The following IL16 variants were observed in gnomAD, a reference collection of about 807,000 sequenced individuals.
The protein encoded by IL16 is interleukin 16.
IL16 carries 67 observed loss-of-function variants against 110.1 expected under a neutral mutation model. The observed-to-expected ratio is 0.61, with a 90% CI of 0.50 to 0.75. IL16 has a LOEUF of 0.75. IL16 is among the 30% of genes least tolerant of loss of function. The probability of loss-of-function intolerance (pLI) is 0.00; values close to 1 mark genes in which losing one functional copy is unlikely to be tolerated. For synonymous variants in IL16, 689 were observed against 662.9 expected (o/e 1.04, Z -0.61); for missense variants, 1,545 against 1,655.0 (o/e 0.93, Z 1.15).
chr15:81,278,259 G>A (rs1261558702), intron 6 of IL16, among the ~76,000 whole-genome samples: 2 of 152,040 alleles, frequency 1.3e-5, no homozygotes, highest in Non-Finnish European at 2.9e-5. Flanking sequence ...TGCCAGCCTG[G>A]CCAGGGAGTG....
At chr15:81,193,124 C>T (rs1273172588), upstream of IL16, among the ~76,000 whole-genome samples, 1 of 152,144 alleles carries the variant, frequency 6.6e-6, no homozygotes, top group Non-Finnish European at 1.5e-5. Flanking sequence ...GACAGACCTG[C>T]GAGATGAACC....
At chr15:81,234,396 G>A (rs1411114428) in intron 2 of IL16, among the ~76,000 whole-genome samples, 3 of 151,880 alleles carry the variant, frequency 2.0e-5, no homozygotes, top group Non-Finnish European at 4.4e-5. Context: ...TTTCCCCTAT[G>A]ATTAGCTTGT....
upstream of IL16, among the ~76,000 whole-genome samples, chr15:81,194,784 A>G (rs1350422797): frequency 6.6e-6 from 1 of 152,236 alleles, no homozygotes; most frequent in Non-Finnish European, 1.5e-5. Flanking sequence ...TCTCAGTAAC[A>G]CTGTGCAGTA....
chr15:81,282,790 C>T (rs1033314857), intron 9 of IL16, 34 bp downstream of exon 9: 2 of 1,376,078 alleles, frequency 1.5e-6, no homozygotes, highest in Non-Finnish European at 1.0e-6. Context: ...AATATACCCC[C>T]GACTTACAAC....
In IL16 at chr15:81,278,267, G is replaced by A. The variant is rs534830570; in HGVS notation, c.791-550G>A. Among the ~76,000 whole-genome samples the A allele has an allele frequency of 5.0e-4, 76 of 152,250 alleles. 1 individual carries two copies. Among genetic ancestry groups the A allele is most frequent in the Middle Eastern group, 6.8e-3 (2 of 294 alleles). On this transcript the variant is annotated intron_variant, in intron 6 of 18. Coordinates refer to ENST00000683961, the MANE Select transcript of IL16 (RefSeq NM_172217.5). ...AACAAGCTGCCAGCCTGGCCAGGGA[G>A]TGACTGAGGGTGCAGGCCATTGATC...
At chr15:81,182,916 C>G in intron 1 of IL16, 4 of 1,284,612 alleles carry the variant, frequency 3.1e-6, no homozygotes, top group South Asian at 1.2e-5. Flanking sequence ...GCTCCTTCTC[C>G]TATCCCAGGG....
intron 1 of IL16, among the ~76,000 whole-genome samples, chr15:81,201,086 G>A (rs1477984356): frequency 6.6e-6 from 1 of 152,130 alleles, no homozygotes; most frequent in Admixed American, 6.5e-5. Flanking sequence ...CTGAAGCAGT[G>A]GCAGGACAAT....
rs1162037683 is a variant in IL16 at position 81,197,526 on chromosome 15, A to G, written c.-102+374A>G. Among the ~76,000 whole-genome samples, 85 of 152,168 alleles carry G rather than the reference A, an allele frequency of 5.6e-4. 1 individual carries two copies. Among genetic ancestry groups the G allele is most frequent in the Admixed American group, 5.4e-3 (83 of 15,286 alleles). On this transcript the variant is annotated intron_variant, in intron 1 of 18. Coordinates refer to ENST00000683961, the MANE Select transcript of IL16 (RefSeq NM_172217.5). ...GAAAGGAAGGCAGCAGGAGAGAGAA[A>G]GGCCACGGGGCACCTGATGGGGGCT... is the stretch of plus-strand genomic sequence containing the variant.
rs532188649 is a variant in IL16, at chr15:81,209,427, A to C, written c.-102+12275A>C. Among the ~76,000 whole-genome samples the C allele has an allele frequency of 1.2e-4, 18 of 152,132 alleles. No homozygotes were observed. The South Asian group carries it at 3.7e-3, about 32-fold the overall frequency. On this transcript the variant is annotated intron_variant, in intron 1 of 18. Coordinates refer to ENST00000683961, the MANE Select transcript of IL16 (RefSeq NM_172217.5). ...ACAGGGGCTTGGAAGAATTTGCTGG[A>C]GGTGGCAGAAGAGGTGATGAGCACA...
At chr15:81,308,101 C>T (rs1174963461) in intron 18 of IL16, among the ~76,000 whole-genome samples, 2 of 152,172 alleles carry the variant, frequency 1.3e-5, no homozygotes, top group African/African-American at 4.8e-5. Flanking sequence ...ATGGTTGTTT[C>T]CTTTTTTATG....
intron 2 of IL16, among the ~76,000 whole-genome samples, chr15:81,246,901 A>G (rs1382723808): frequency 3.3e-5 from 5 of 151,860 alleles, no homozygotes; most frequent in Admixed American, 3.3e-4. Context: ...GTCTTTCTTG[A>G]GTTGATTTTG....
At chr15:81,194,684 C>T (rs747590955), upstream of IL16, among the ~76,000 whole-genome samples, 28 of 152,132 alleles carry the variant, frequency 1.8e-4, no homozygotes, top group Non-Finnish European at 1.9e-4. Context: ...ACAGATTTCT[C>T]AGTTCCGTGG....
chr15:81,291,996 G>A (rs1045322512), intron 11 of IL16: 1 of 456,044 alleles, frequency 2.2e-6, no homozygotes, highest in Non-Finnish European at 4.4e-6. Flanking sequence ...AGTGTCCTGG[G>A]GTTCACTACC....
chr15:81,303,290 G>A lies in IL16; in HGVS notation c.3319-259G>A, dbSNP rs1031413763. 33 of 387,300 alleles carry A rather than the reference G, an allele frequency of 8.5e-5. No individual in the cohort carries two copies. Among genetic ancestry groups the A allele is most frequent in the Non-Finnish European group, 1.1e-4 (24 of 210,702 alleles). The allele number at this position is 387,300 out of a possible 1,614,324, so 24.0% of individuals were successfully genotyped here. On this transcript the variant is annotated intron_variant, in intron 15 of 18. Coordinates refer to ENST00000683961, the MANE Select transcript of IL16 (RefSeq NM_172217.5). This position sits in a 1 kb window ranked among gnomAD's most constrained non-coding sequence, Gnocchi z 4.1. The stretch of plus-strand genomic sequence containing the variant: ...TGACTTCATGGCACTCCCCCTGCCC[G>A]GCTGTGGACAGGGTGAATGAGAGAG...
At chr15:81,247,839 C>T (rs1198307701) in intron 2 of IL16, among the ~76,000 whole-genome samples, 1 of 152,120 alleles carries the variant, frequency 6.6e-6, no homozygotes, top group Non-Finnish European at 1.5e-5. Context: ...TTTTAAGTGC[C>T]TTATAATTAA....
Position 81,272,974 on chromosome 15 carries a change from C to T in IL16, c.676-116C>T, listed in dbSNP as rs142474941. ...TCTGAGACCTCTGAGACCAAAGGCA[C>T]CTTCTCTCCTTCCCAATCCCTTTGT... On this transcript the variant is annotated intron_variant, in intron 5 of 18. Coordinates refer to ENST00000683961, the MANE Select transcript of IL16 (RefSeq NM_172217.5). 29 of 701,044 alleles carry T rather than the reference C, an allele frequency of 4.1e-5. No homozygotes were observed. In the African/African-American group the frequency reaches 4.3e-4, roughly 10 times the overall value. 43.4% of individuals were successfully genotyped at this position (701,044 alleles called of 1,614,324 possible).
In IL16 at chr15:81,197,137, G is replaced by C. The variant is rs939460600; in HGVS notation, c.-117G>C. 7.0e-6 allele frequency: 9 copies of C among 1,288,398 alleles called. No homozygotes were observed. Among genetic ancestry groups the C allele is most frequent in the Non-Finnish European group, 9.1e-6 (9 of 988,240 alleles). 79.8% of individuals were successfully genotyped at this position (1,288,398 alleles called of 1,614,324 possible). ...AGCCCCGGGGGACTGTGCATAGGGA[G>C]GTAGGTGGGCACCAGGTGAGTGAAT... On this transcript the variant is annotated 5_prime_UTR_variant, in exon 1 of 19. Coordinates refer to ENST00000683961, the MANE Select transcript of IL16 (RefSeq NM_172217.5).
intron 1 of IL16, among the ~76,000 whole-genome samples, chr15:81,200,643 T>A (rs1024266317): frequency 6.6e-6 from 1 of 152,208 alleles, no homozygotes; most frequent in Non-Finnish European, 1.5e-5. Context: ...AGTGCTGGAA[T>A]TAAAGTCGTG....
At chr15:81,196,545 T>C (rs907927094), upstream of IL16, among the ~76,000 whole-genome samples, 2 of 152,160 alleles carry the variant, frequency 1.3e-5, no homozygotes, top group African/African-American at 4.8e-5. Flanking sequence ...GCTTCCAGCA[T>C]GTGATGAGGT....
Sources: gnomAD v4.1 joint callset for allele counts (sites outside exome capture counted in the v4.1 genomes callset) on GRCh38, gnomAD v4.1.1 for gene constraint, Gnocchi (gnomAD v3.1) non-coding constraint, MANE v1.5 for transcripts, NCBI Gene and HGNC (gene_info 2026-07-23, HGNC 2026-07-21) for gene names.